Variants in ENTPD3 observed in about 807,000 individuals in gnomAD.
ENTPD3 encodes the protein CD39 antigen-like 3.
Under a neutral mutation model 51.2 loss-of-function variants are expected in ENTPD3, and 60 were observed. That is an observed-to-expected ratio of 1.17 (90% CI 0.95 to 1.45). The LOEUF (loss-of-function observed/expected upper bound fraction) is 1.45. ENTPD3 is among the 40% of genes most tolerant of loss of function. ENTPD3 has a pLI of 0.00. For missense variants in ENTPD3, 593 were observed against 641.1 expected (o/e 0.93, Z 0.81); for synonymous variants, 221 against 238.4 (o/e 0.93, Z 0.67).
Position 40,404,692 on chromosome 3 carries a change from G to A in ENTPD3, c.286+3681G>A, listed in dbSNP as rs558909810. Among the ~76,000 whole-genome samples, 7 of 152,124 alleles carry A rather than the reference G, an allele frequency of 4.6e-5. No individual in the cohort carries two copies. The South Asian group carries it at 1.0e-3, about 23-fold the overall frequency. ...AATGAACAGAAGACCACAAACTAAA[G>A]CTCAAATTACAGAGTTGAAGGTCAG... On this transcript the variant is annotated intron_variant, in intron 4 of 10. Transcript: ENST00000301825.
chr3:40,393,670 G>T (rs1955119294), intron 3 of ENTPD3, among the ~76,000 whole-genome samples: 1 of 151,902 alleles, frequency 6.6e-6, no homozygotes, highest in Admixed American at 6.6e-5. Flanking sequence ...AAAACCTTAT[G>T]CAATCACCCA....
Position 40,400,887 on chromosome 3 carries a change from T to G in ENTPD3, c.169-7T>G, listed in dbSNP as rs1955339234. 6.2e-7 allele frequency: 1 copy of G among 1,610,002 alleles called. No individual in the cohort carries two copies. Among genetic ancestry groups the G allele is most frequent in the Non-Finnish European group, 8.5e-7 (1 of 1,176,556 alleles). On this transcript the variant is annotated splice_polypyrimidine_tract_variant and splice_region_variant and intron_variant, in intron 3 of 10. Coordinates refer to ENST00000301825, the MANE Select transcript of ENTPD3 (RefSeq NM_001248.4). ...CATTCTGACTCTCCCTTTCCCTTTT[T>G]ATTCAGTATGGTATTGTGCTGGATG...
intron 6 of ENTPD3, 107 bp downstream of exon 6, chr3:40,414,947 A>C (rs1239774272): frequency 3.6e-6 from 4 of 1,115,092 alleles, no homozygotes; most frequent in African/African-American, 3.1e-5. Context: ...GCCCTGTATC[A>C]CTCCTACCAT....
chr3:40,389,442 A>C (rs548266084), intron 2 of ENTPD3, among the ~76,000 whole-genome samples: 63 of 152,190 alleles, frequency 4.1e-4, no homozygotes, highest in Non-Finnish European at 7.9e-4. Context: ...ACAATTCTGT[A>C]ATGAGTAACC....
intron 4 of ENTPD3, among the ~76,000 whole-genome samples, chr3:40,404,882 T>C (rs1028759180): frequency 4.6e-5 from 7 of 152,122 alleles, no homozygotes; most frequent in African/African-American, 1.7e-4. Context: ...CCCTCAGAAA[T>C]TTCTTTCTGG....
intron 3 of ENTPD3, among the ~76,000 whole-genome samples, chr3:40,393,518 T>G (rs923967658): frequency 6.6e-6 from 1 of 152,186 alleles, no homozygotes; most frequent in Non-Finnish European, 1.5e-5. Context: ...AAGGATGGGT[T>G]TGAGCTAACA....
At chr3:40,393,488 C>T (rs946686297) in intron 3 of ENTPD3, among the ~76,000 whole-genome samples, 1 of 152,096 alleles carries the variant, frequency 6.6e-6, no homozygotes, top group African/African-American at 2.4e-5. Flanking sequence ...AGAAAAGAAA[C>T]TAATATTGTT....
In ENTPD3 at chr3:40,394,048, CAAAAAAAAAAAAAA is replaced by C. The variant is rs559701033; in HGVS notation, c.168+1911_168+1924del. ...TGGGCAACAGAGCGAGACTCTGTCT[CAAAAAAAAAAAAAA>C]AAAAAAAAAAAAGGAACTGCAACTA... On this transcript the variant is annotated intron_variant, in intron 3 of 10. Coordinates refer to ENST00000301825, the MANE Select transcript of ENTPD3 (RefSeq NM_001248.4). 6.6e-3 allele frequency among the ~76,000 whole-genome samples: 425 copies of C among 64,434 alleles called. 7 individuals are homozygous for C. The highest frequency in any genetic ancestry group is 0.027 in the African/African-American group (374 of 13,826). The allele number at this position is 64,434 out of a possible 152,430, so 42.3% of individuals were successfully genotyped here.
intron 7 of ENTPD3, among the ~76,000 whole-genome samples, chr3:40,421,571 G>T (rs1245926946): frequency 6.6e-6 from 1 of 152,148 alleles, no homozygotes; most frequent in African/African-American, 2.4e-5. Flanking sequence ...TATGTGACAA[G>T]GATATTTGTT....
chr3:40,424,980 A>G (rs1955954822), intron 10 of ENTPD3: 1 of 424,174 alleles, frequency 2.4e-6, no homozygotes, highest in African/African-American at 2.0e-5. Flanking sequence ...CTTCTAATAA[A>G]TCTAATTACC....
intron 4 of ENTPD3, among the ~76,000 whole-genome samples, chr3:40,407,528 C>T (rs1298508653): frequency 6.6e-6 from 1 of 152,058 alleles, no homozygotes; most frequent in East Asian, 1.9e-4. Context: ...CTGATCTATA[C>T]AGTGATGTGG....
intron 3 of ENTPD3, among the ~76,000 whole-genome samples, chr3:40,398,162 G>A (rs1955254304): frequency 6.6e-6 from 1 of 152,172 alleles, no homozygotes; most frequent in South Asian, 2.1e-4. Flanking sequence ...AGCAAAGTCT[G>A]GCTGCTGCAG....
intron 3 of ENTPD3, chr3:40,392,404 C>T (rs1955080452): frequency 9.5e-6 from 4 of 420,186 alleles, no homozygotes; most frequent in Non-Finnish European, 1.7e-5. Flanking sequence ...CTTCTGACTT[C>T]AAAGCTAAAA....
At chr3:40,413,215 T>A (rs1013968588) in intron 5 of ENTPD3, among the ~76,000 whole-genome samples, 3 of 152,210 alleles carry the variant, frequency 2.0e-5, no homozygotes, top group African/African-American at 7.2e-5. Flanking sequence ...TAGAGCTTAG[T>A]TTGTGAAATC....
At chr3:40,388,120 C>A in intron 2 of ENTPD3, 23 bp downstream of exon 2, 1 of 1,613,774 alleles carries the variant, frequency 6.2e-7, no homozygotes, top group Non-Finnish European at 8.5e-7. Context: ...CAGCAGGTAG[C>A]AAGCGTGGTT....
At chr3:40,412,083 A>G in intron 5 of ENTPD3, 121 bp downstream of exon 5, 1 of 999,262 alleles carries the variant, frequency 1.0e-6, no homozygotes, top group Non-Finnish European at 1.3e-6. Flanking sequence ...AGAAGCCCAC[A>G]TTCTGCCATA....
In ENTPD3 at chr3:40,423,117, T is replaced by C. The variant is rs765524238; in HGVS notation, c.1099T>C (p.Phe367Leu). 6 of 1,610,358 alleles carry C rather than the reference T, an allele frequency of 3.7e-6. No homozygotes were observed. Among genetic ancestry groups the C allele is most frequent in the Non-Finnish European group, 5.1e-6 (6 of 1,177,562 alleles). Residue 367 changes from phenylalanine to leucine, a missense_variant, in exon 8 of 11, where the codon TTT (phenylalanine) becomes CTT (leucine). Coordinates refer to ENST00000301825, the MANE Select transcript of ENTPD3 (RefSeq NM_001248.4). ...GVYQPKIKGPFVAFAGFYYTA... is the reference protein window; with the variant it reads ...GVYQPKIKGPLVAFAGFYYTA... ...TTATCAGCCAAAGATTAAAGGGCCA[T>C]TTGTGGTAAGAGCAAAACCTTCTGA...
intron 6 of ENTPD3, 35 bp from the exon 7 acceptor site, chr3:40,415,805 G>C: frequency 6.4e-7 from 1 of 1,565,886 alleles, no homozygotes; most frequent in Non-Finnish European, 8.8e-7. Context: ...TGGTGCCTTT[G>C]GCTTTCTTTC....
intron 3 of ENTPD3, among the ~76,000 whole-genome samples, chr3:40,392,986 C>CG (rs1955100870): frequency 1.3e-5 from 2 of 149,822 alleles, no homozygotes; most frequent in South Asian, 2.1e-4. Context: ...AACACCCCCC[C>CG]GGCAAAAAAA....
Sources: gnomAD v4.1 joint callset for allele counts (sites outside exome capture counted in the v4.1 genomes callset) on GRCh38, gnomAD v4.1.1 for gene constraint, MANE v1.5 for transcripts, NCBI Gene and HGNC (gene_info 2026-07-23, HGNC 2026-07-21) for gene names.